The following RIPOR1 variants were observed in gnomAD, a reference collection of about 807,000 sequenced individuals.
The protein encoded by RIPOR1 is rho family-interacting cell polarization regulator 1.
A neutral mutation model predicts 116.5 loss-of-function variants in RIPOR1; 58 were observed. The observed-to-expected ratio is 0.50, with a 90% CI of 0.40 to 0.62. RIPOR1 has a LOEUF of 0.62. Ranked by LOEUF, RIPOR1 falls within the 20% of genes least tolerant of loss-of-function variation. The pLI, the probability that RIPOR1 is intolerant of heterozygous loss-of-function variation, is 0.00. For synonymous variants in RIPOR1, 605 were observed against 650.0 expected (o/e 0.93, Z 1.05); for missense variants, 1,372 against 1,586.2 (o/e 0.86, Z 2.29).
At chr16:67,519,279 CAA>C (rs56349474) in intron 1 of RIPOR1, among the ~76,000 whole-genome samples, 16 of 89,848 alleles carry the variant, frequency 1.8e-4, no homozygotes, top group Non-Finnish European at 1.6e-4. Context: ...GACTCTGTTT[CAA>C]AAAAAAAAAA....
intron 1 of RIPOR1, among the ~76,000 whole-genome samples, chr16:67,533,221 T>A (rs1350070939): frequency 6.6e-6 from 1 of 151,960 alleles, no homozygotes; most frequent in Non-Finnish European, 1.5e-5. Flanking sequence ...TGAATTTGGT[T>A]TGGGAACCTC....
intron 1 of RIPOR1, among the ~76,000 whole-genome samples, chr16:67,521,942 T>C (rs958473455): frequency 6.6e-6 from 1 of 152,226 alleles, no homozygotes; most frequent in African/African-American, 2.4e-5. Flanking sequence ...ATTGTGGCTC[T>C]CAGGACCGAT....
rs1491223855 is a variant in RIPOR1 at position 67,523,520 on chromosome 16, A to AT, written c.-24+4908dup. 2.2e-4 allele frequency among the ~76,000 whole-genome samples: 23 copies of AT among 103,906 alleles called. 1 individual carries two copies. The highest frequency in any genetic ancestry group is 6.1e-4 in the Admixed American group (7 of 11,448). The allele number at this position is 103,906 out of a possible 152,430, so 68.2% of individuals were successfully genotyped here. ...CAGCCTAGTGACAGAGCAAGACTCC[A>AT]TAAAAAAAAAAAAAAAAAAAAAAAA... On this transcript the variant is annotated intron_variant, in intron 1 of 1. Transcript: ENST00000562116.
Position 67,546,639 on chromosome 16 carries a change from A to C in RIPOR1, c.*176A>C. 1 of 602,638 alleles carries C rather than the reference A, an allele frequency of 1.7e-6. No individual in the cohort carries two copies. The highest frequency in any genetic ancestry group is 2.9e-6 in the Non-Finnish European group (1 of 340,120). 37.3% of individuals were successfully genotyped at this position (602,638 alleles called of 1,614,324 possible). A position where few individuals can be genotyped will look rare whatever the true frequency, so the allele number is the denominator to read the frequency against. ...GTTGGAGAGTCAGTGCCTGCAGTCA[A>C]GTGCCTCCCAGCCTCGGCTCAGCAC... On this transcript the variant is annotated 3_prime_UTR_variant, in exon 22 of 22. Transcript: ENST00000042381.
At position 67,538,980 on chromosome 16, in the gene RIPOR1, C is replaced by A. The variant is rs2050891470; in HGVS notation, c.258-10C>A. The A allele has an allele frequency of 6.2e-7, 1 of 1,613,810 alleles. No individual in the cohort carries two copies. Among genetic ancestry groups the A allele is most frequent in the African/African-American group, 1.3e-5 (1 of 74,926 alleles). Reference sequence around the variant, plus strand: ...GCCGAGTTCATTCTTGTGGTCGCCCCTTTCCTCAGGGCCTACTTGGAAGTG... The same window carrying A: ...GCCGAGTTCATTCTTGTGGTCGCCCATTTCCTCAGGGCCTACTTGGAAGTG... On this transcript the variant is annotated splice_polypyrimidine_tract_variant and intron_variant, in intron 3 of 21. Transcript: ENST00000042381.
upstream of RIPOR1, among the ~76,000 whole-genome samples, chr16:67,525,556 G>A (rs950614178): frequency 1.3e-5 from 2 of 152,030 alleles, no homozygotes; most frequent in Non-Finnish European, 2.9e-5. Flanking sequence ...CTGGGGTTTC[G>A]GACTTGAACT....
At position 67,538,708 on chromosome 16, in the gene RIPOR1, G is replaced by A. The variant is rs1253647673; in HGVS notation, c.141G>A (p.Arg47=). 2 of 1,613,192 alleles carry A rather than the reference G, an allele frequency of 1.2e-6. No individual in the cohort carries two copies. Among genetic ancestry groups the A allele is most frequent in the East Asian group, 2.2e-5 (1 of 44,874 alleles). ...FPVFSPPGPP[R]KPPALSRVSR... The stretch of plus-strand genomic sequence containing the variant: ...TCTTCAGCCCGCCGGGGCCCCCACG[G>A]AAGCCCCCCGCGCTCTCCCGAGTGT... Residue 47 remains arginine, a synonymous_variant, in exon 3 of 22, where the codon CGG becomes CGA. Transcript: ENST00000042381.
chr16:67,525,949 C>T (rs1241006081), upstream of RIPOR1, among the ~76,000 whole-genome samples: 1 of 152,184 alleles, frequency 6.6e-6, no homozygotes, highest in African/African-American at 2.4e-5. Context: ...GTGTCCTCCC[C>T]TGTGCTTAGC....
chr16:67,545,153 G>A lies in RIPOR1; in HGVS notation c.3031+36G>A. 1.2e-6 allele frequency: 2 copies of A among 1,602,396 alleles called. No homozygotes were observed. The highest frequency in any genetic ancestry group is 1.7e-6 in the Non-Finnish European group (2 of 1,175,632). On this transcript the variant is annotated intron_variant, in intron 17 of 21. Transcript: ENST00000042381. This position sits in a 1 kb window ranked among gnomAD's most constrained non-coding sequence, Gnocchi z 4.8. ...TGCTTCCTCCTTCCACCCTTGCTCA[G>A]ATTCCCAGTGACAGGAAGCTCGGGG...
At chr16:67,546,317 A>G (rs1386794141) in intron 21 of RIPOR1, 49 bp from the exon 22 acceptor site, 24 of 1,606,678 alleles carry the variant, frequency 1.5e-5, no homozygotes, top group Non-Finnish European at 2.0e-5. Context: ...GGGGTGGGAG[A>G]GTGGGATGGG....
Position 67,531,319 on chromosome 16 carries a change from T to C in RIPOR1, c.-24+2405T>C, listed in dbSNP as rs2050654686. Among the ~76,000 whole-genome samples the C allele has an allele frequency of 6.6e-6, 1 of 151,638 alleles. No homozygotes were observed. Among genetic ancestry groups the C allele is most frequent in the Non-Finnish European group, 1.5e-5 (1 of 67,880 alleles). On this transcript the variant is annotated intron_variant, in intron 1 of 21. Transcript: ENST00000042381. The surrounding 1 kb of genome is among the most constrained non-coding windows in gnomAD (Gnocchi z 4.2). ...GTCTAGGCAGCCCAGCTTCCCCCAC[T>C]GTTCCCCCCCTTCATCTCCCAGGTG... is the stretch of plus-strand genomic sequence containing the variant.
In RIPOR1 at chr16:67,544,835, A is replaced by G; in HGVS notation, c.2869+5A>G. 6.3e-7 allele frequency: 1 copy of G among 1,591,052 alleles called. No homozygotes were observed. The highest frequency in any genetic ancestry group is 8.6e-7 in the Non-Finnish European group (1 of 1,164,492). ...CGGCCAGCTCTGCCCAGGAAGGTAA[A>G]GGCCCTGGGGGTTCGGGCTCTGCCA... On this transcript the variant is annotated splice_donor_5th_base_variant and intron_variant, in intron 16 of 21. Coordinates refer to ENST00000042381, the MANE Select transcript of RIPOR1 (RefSeq NM_024519.4). The surrounding 1 kb of genome is among the most constrained non-coding windows in gnomAD (Gnocchi z 5.1).
chr16:67,536,505 G>C (rs1157168527), intron 1 of RIPOR1, among the ~76,000 whole-genome samples: 1 of 152,128 alleles, frequency 6.6e-6, no homozygotes, highest in Non-Finnish European at 1.5e-5. Flanking sequence ...ATGTGAGCTG[G>C]GGGCAGGAAG....
chr16:67,546,289 G>A (rs2051165229), intron 21 of RIPOR1, 58 bp downstream of exon 21: 12 of 1,608,468 alleles, frequency 7.5e-6, no homozygotes, highest in Non-Finnish European at 1.0e-5. Flanking sequence ...GCTGATGGGA[G>A]TAGGAGAGAT....
At chr16:67,536,925 G>A (rs1351251762) in intron 1 of RIPOR1, among the ~76,000 whole-genome samples, 1 of 152,108 alleles carries the variant, frequency 6.6e-6, no homozygotes, top group Non-Finnish European at 1.5e-5. Context: ...TTCAGCCTTA[G>A]CACTGCTCAA....
At chr16:67,539,147 G>C in intron 4 of RIPOR1, 79 bp downstream of exon 4, 1 of 1,233,414 alleles carries the variant, frequency 8.1e-7, no homozygotes, top group East Asian at 2.4e-5. Context: ...GTGATATCTG[G>C]GCTATTTTCT....
chr16:67,541,654 C>A lies in RIPOR1; in HGVS notation c.952C>A (p.Pro318Thr), dbSNP rs376112926. The part of the protein sequence containing the change: ...IKLSLEVTWS[P>T]FDKDDQPSAA... ...GCCAACAGCCTCTTCCCTTCCCAGC[C>A]CCTTCGACAAGGATGACCAGCCCTC... Residue 318 changes from proline (P) to threonine (T), a missense_variant and splice_region_variant, in exon 12 of 22, where the codon CCC (proline) becomes ACC (threonine). Pro to Thr is a conservative substitution (Grantham distance 38). This residue lies in a region of RIPOR1 where 202 missense variants were observed against 295.9 expected (regional missense o/e 0.68). Coordinates refer to ENST00000042381, the MANE Select transcript of RIPOR1 (RefSeq NM_024519.4). The surrounding 1 kb of genome is among the most constrained non-coding windows in gnomAD (Gnocchi z 4.6). 2.5e-6 allele frequency: 4 copies of A among 1,614,062 alleles called. No individual in the cohort carries two copies. The highest frequency in any genetic ancestry group is 3.4e-6 in the Non-Finnish European group (4 of 1,179,970).
chr16:67,536,635 G>C (rs1342597060), intron 1 of RIPOR1, among the ~76,000 whole-genome samples: 1 of 152,018 alleles, frequency 6.6e-6, no homozygotes, highest in Admixed American at 6.5e-5. Context: ...CACTCCCTCT[G>C]TGGGAGTAGG....
chr16:67,529,779 TG>T lies in RIPOR1; in HGVS notation c.-24+868del. 1 of 1,535,528 alleles carries T rather than the reference TG, an allele frequency of 6.5e-7. No individual in the cohort carries two copies. Among genetic ancestry groups the T allele is most frequent in the Non-Finnish European group, 8.7e-7 (1 of 1,146,862 alleles). On this transcript the variant is annotated intron_variant, in intron 1 of 21. Transcript: ENST00000042381. This position sits in a 1 kb window ranked among gnomAD's most constrained non-coding sequence, Gnocchi z 4.1. ...GGCTGCAGTCTGCGGGGCCGCGCCCTGGGCCTGCCGCATTCGGCCAACGCAC... is the reference window on the plus strand; with the variant it reads ...GGCTGCAGTCTGCGGGGCCGCGCCCTGGCCTGCCGCATTCGGCCAACGCAC...
Sources: allele counts gnomAD v4.1 joint callset (sites outside exome capture counted in the v4.1 genomes callset), GRCh38; gene constraint gnomAD v4.1.1; regional missense constraint gnomAD v4.1.1; non-coding constraint Gnocchi (gnomAD v3.1); transcripts MANE v1.5; gene names NCBI Gene and HGNC (gene_info 2026-07-23, HGNC 2026-07-21).